The following PCDH9 variants were observed in gnomAD, a reference collection of about 807,000 sequenced individuals.
PCDH9 encodes the protein protocadherin-9.
Under a neutral mutation model 70.6 loss-of-function variants are expected in PCDH9, and 24 were observed. The observed-to-expected ratio is 0.34, with a 90% CI of 0.25 to 0.48. PCDH9 has a LOEUF of 0.48. Among genes scored for constraint, PCDH9 ranks in the 20% least tolerant of loss-of-function variants. The probability of loss-of-function intolerance (pLI) is 0.99; values close to 1 mark genes in which losing one functional copy is unlikely to be tolerated. For synonymous variants in PCDH9, 562 were observed against 558.5 expected, an observed-to-expected ratio of 1.01 and a Z score of -0.09; for missense variants, 1,281 against 1,503.6, an observed-to-expected ratio of 0.85 and a Z score of 2.45.
intron 2 of PCDH9, among the ~76,000 whole-genome samples, chr13:66,958,128 A>G (rs1213688744): frequency 6.6e-6 from 1 of 152,212 alleles, no homozygotes; most frequent in Non-Finnish European, 1.5e-5. Flanking sequence ...TTGAGGGCAG[A>G]AGAAATGAAA....
chr13:66,382,050 C>A (rs891159204), intron 4 of PCDH9, among the ~76,000 whole-genome samples: 5 of 151,594 alleles, frequency 3.3e-5, no homozygotes, highest in African/African-American at 1.2e-4. Flanking sequence ...TTAGACGTTC[C>A]AATGATTTAT....
chr13:66,563,098 C>T (rs1224883341), intron 4 of PCDH9, among the ~76,000 whole-genome samples: 1 of 152,088 alleles, frequency 6.6e-6, no homozygotes, highest in Non-Finnish European at 1.5e-5. Context: ...CCTGAGGAAT[C>T]AGAGATTGCC....
intron 4 of PCDH9, among the ~76,000 whole-genome samples, chr13:66,330,594 G>A (rs1418567058): frequency 1.3e-5 from 2 of 151,970 alleles, no homozygotes; most frequent in Non-Finnish European, 2.9e-5. Context: ...TGTGGGGGTG[G>A]GGGAAAGCCC....
At chr13:66,648,363 G>A (rs971821541) in intron 3 of PCDH9, among the ~76,000 whole-genome samples, 1 of 152,188 alleles carries the variant, frequency 6.6e-6, no homozygotes, top group African/African-American at 2.4e-5. Context: ...AGCACAAAGA[G>A]AGAGACTCCA....
At chr13:66,924,595 A>G (rs1420135450) in intron 2 of PCDH9, among the ~76,000 whole-genome samples, 2 of 151,832 alleles carry the variant, frequency 1.3e-5, no homozygotes, top group East Asian at 3.9e-4. Flanking sequence ...ACTAATCAAA[A>G]ATCAAACAAA....
intron 3 of PCDH9, among the ~76,000 whole-genome samples, chr13:66,824,102 G>C (rs990671620): frequency 2.1e-4 from 32 of 151,632 alleles, no homozygotes; most frequent in African/African-American, 7.2e-4. Flanking sequence ...TCTCAATAAA[G>C]AGCATTTTAA....
intron 3 of PCDH9, among the ~76,000 whole-genome samples, chr13:66,638,341 G>T (rs1038046445): frequency 2.6e-5 from 4 of 152,098 alleles, no homozygotes; most frequent in African/African-American, 9.7e-5. Flanking sequence ...GTGAATGGGA[G>T]ACTTTCACTG....
intron 4 of PCDH9, among the ~76,000 whole-genome samples, chr13:66,564,172 A>T (rs1566420838): frequency 6.7e-6 from 1 of 150,006 alleles, no homozygotes; most frequent in Non-Finnish European, 1.5e-5. Flanking sequence ...GGAAATTTTG[A>T]TTTTTTTTTT....
chr13:66,636,315 T>C lies in PCDH9; in HGVS notation c.3139-4904A>G, dbSNP rs530901683. On this transcript the variant is annotated intron_variant, in intron 3 of 4. Transcript: ENST00000377865. ...AAGAACAGAAACATTTGATATATGG[T>C]ATATGGGTTTTCCCTTGAGCTAAGG... is the stretch of plus-strand genomic sequence containing the variant. 5.3e-5 allele frequency among the ~76,000 whole-genome samples: 8 copies of C among 152,230 alleles called. No individual in the cohort carries two copies. In the South Asian group the frequency reaches 1.0e-3, roughly 20 times the overall value.
intron 3 of PCDH9, among the ~76,000 whole-genome samples, chr13:66,822,645 G>A (rs1381482976): frequency 6.6e-6 from 1 of 151,672 alleles, no homozygotes; most frequent in African/African-American, 2.4e-5. Flanking sequence ...CTGGCCTCAG[G>A]CTCCCAAGTA....
intron 3 of PCDH9, among the ~76,000 whole-genome samples, chr13:66,699,167 G>C (rs1273022743): frequency 6.6e-6 from 1 of 151,946 alleles, no homozygotes; most frequent in African/African-American, 2.4e-5. Flanking sequence ...TCCTTCGTTG[G>C]CCTCCCAAAG....
chr13:66,587,967 C>CT (rs2138805263), intron 4 of PCDH9, among the ~76,000 whole-genome samples: 1 of 152,174 alleles, frequency 6.6e-6, no homozygotes, highest in South Asian at 2.1e-4. Flanking sequence ...TCGCTCACCT[C>CT]TAAGATATCT....
At chr13:66,748,426 T>C (rs1417303634) in intron 3 of PCDH9, among the ~76,000 whole-genome samples, 1 of 152,218 alleles carries the variant, frequency 6.6e-6, no homozygotes, top group African/African-American at 2.4e-5. Context: ...TAGGAATTTT[T>C]CCTACTCTGA....
chr13:66,780,991 C>T (rs898196598), intron 3 of PCDH9, among the ~76,000 whole-genome samples: 1 of 151,952 alleles, frequency 6.6e-6, no homozygotes, highest in East Asian at 1.9e-4. Flanking sequence ...CTGTGGGATG[C>T]GGGTGGGGTG....
At chr13:66,693,969 G>T (rs2078523310) in intron 3 of PCDH9, among the ~76,000 whole-genome samples, 1 of 152,172 alleles carries the variant, frequency 6.6e-6, no homozygotes, top group African/African-American at 2.4e-5. Context: ...TTTAAAAAAG[G>T]AATGAAGGTG....
At position 67,227,949 on chromosome 13, in the gene PCDH9, T is replaced by C; in HGVS notation, c.492A>G (p.Pro164=). The change falls in exon 2 of 5, where the codon CCA becomes CCG. Residue 164 remains proline, a synonymous_variant. Coordinates refer to ENST00000377865, the MANE Select transcript of PCDH9 (RefSeq NM_203487.3). The surrounding 1 kb of genome is among the most constrained non-coding windows in gnomAD (Gnocchi z 4.6). ...NTLINSRFPI[P]SATDPDTGFN... is the part of the protein sequence containing the mutation. ...AGCCTGTGTCAGGATCTGTTGCTGATGGAATTGGAAAGCGGCTGTTGATCA... is the reference window on the plus strand; with the variant it reads ...AGCCTGTGTCAGGATCTGTTGCTGACGGAATTGGAAAGCGGCTGTTGATCA... 1 of 1,614,116 alleles carries C rather than the reference T, an allele frequency of 6.2e-7. No homozygotes were observed. Among genetic ancestry groups the C allele is most frequent in the Non-Finnish European group, 8.5e-7 (1 of 1,180,024 alleles).
At chr13:66,472,853 A>G (rs1294877983) in intron 4 of PCDH9, among the ~76,000 whole-genome samples, 1 of 152,196 alleles carries the variant, frequency 6.6e-6, no homozygotes, top group Non-Finnish European at 1.5e-5. Flanking sequence ...ATACTGTAAA[A>G]TAAGTAATCT....
chr13:67,055,763 G>C (rs957026827), intron 2 of PCDH9, among the ~76,000 whole-genome samples: 2 of 152,156 alleles, frequency 1.3e-5, no homozygotes, highest in African/African-American at 4.8e-5. Flanking sequence ...TCACATCACT[G>C]TATAGTCTGG....
intron 4 of PCDH9, among the ~76,000 whole-genome samples, chr13:66,475,589 A>G (rs1349931464): frequency 6.6e-6 from 1 of 152,024 alleles, no homozygotes; most frequent in East Asian, 1.9e-4. Context: ...TCCCTTTCAC[A>G]ATATTTTCTT....
Sources: gnomAD v4.1 joint callset for allele counts (sites outside exome capture counted in the v4.1 genomes callset) on GRCh38, gnomAD v4.1.1 for gene constraint, Gnocchi (gnomAD v3.1) non-coding constraint, MANE v1.5 for transcripts, NCBI Gene and HGNC (gene_info 2026-07-23, HGNC 2026-07-21) for gene names.